SDK1: variants seen among roughly 807,000 people sequenced by gnomAD.
SDK1 encodes protein sidekick-1.
A neutral mutation model predicts 245.5 loss-of-function variants in SDK1; 157 were observed. The observed-to-expected ratio is 0.64, with a 90% confidence interval of 0.56 to 0.73. The LOEUF is 0.73. SDK1 is among the 30% of genes least tolerant of loss of function. The pLI is 0.00. For missense variants in SDK1, 3,583 were observed against 3,002.3 expected, an observed-to-expected ratio of 1.19 and a Z score of -4.52; for synonymous variants, 1,647 against 1,278.5, an observed-to-expected ratio of 1.29 and a Z score of -6.15.
chr7:4,265,317 G>T lies in SDK1; in HGVS notation c.6575G>T (p.Gly2192Val). The change falls in exon 45 of 45, where the codon GGC becomes GTC. Residue 2192 changes from glycine to valine, a missense_variant. Gly to Val is a moderately radical substitution (Grantham distance 109). Coordinates refer to ENST00000404826, the MANE Select transcript of SDK1 (RefSeq NM_152744.4). ...CCGGTCATCACCACGCAGAGCGCGG[G>T]CGGCGTCTACACCCCCGCTGGCCCC... ...LHPVITTQSA[G>V]GVYTPAGPGA... is the part of the protein sequence containing the mutation. 2 of 1,545,998 alleles carry T rather than the reference G, an allele frequency of 1.3e-6. No individual in the cohort carries two copies. The highest frequency in any genetic ancestry group is 1.7e-6 in the Non-Finnish European group (2 of 1,155,498).
chr7:3,889,020 C>G (rs893808660), intron 5 of SDK1, among the ~76,000 whole-genome samples: 1 of 152,124 alleles, frequency 6.6e-6, no homozygotes, highest in African/African-American at 2.4e-5. Context: ...TGTTGATATT[C>G]CTTGATAATG....
chr7:3,538,081 C>G (rs1451525165), intron 1 of SDK1, among the ~76,000 whole-genome samples: 1 of 152,174 alleles, frequency 6.6e-6, no homozygotes, highest in Non-Finnish European at 1.5e-5. Context: ...ACATGACAGA[C>G]CACGTGGCCT....
At chr7:3,589,437 C>G (rs191841473) in intron 1 of SDK1, among the ~76,000 whole-genome samples, 1 of 152,312 alleles carries the variant, frequency 6.6e-6, no homozygotes, top group East Asian at 1.9e-4. Context: ...TGGCGCCTCC[C>G]CATGTCTTTT....
chr7:3,639,048 G>T lies in SDK1; in HGVS notation c.503G>T (p.Arg168Leu), dbSNP rs143792155. Residue 168 changes from arginine to leucine, a missense_variant, in exon 3 of 45, where the codon CGC becomes CTC. Arg to Leu is a moderately radical substitution (Grantham distance 102, BLOSUM62 -2). Coordinates refer to ENST00000404826, the MANE Select transcript of SDK1 (RefSeq NM_152744.4). ...CAGAAGCTCGATGCTGGGTTTTACCGCTGCGTGGTGCGAAACAGAATGGGA... is the reference window on the plus strand; with the variant it reads ...CAGAAGCTCGATGCTGGGTTTTACCTCTGCGTGGTGCGAAACAGAATGGGA... Reference protein sequence around the residue: ...SLQKLDAGFYRCVVRNRMGAL... With the variant: ...SLQKLDAGFYLCVVRNRMGAL... 4 of 1,605,058 alleles carry T rather than the reference G, an allele frequency of 2.5e-6. No homozygotes were observed. Among genetic ancestry groups the T allele is most frequent in the Non-Finnish European group, 3.4e-6 (4 of 1,173,430 alleles).
At chr7:3,823,611 C>T (rs190340146) in intron 5 of SDK1, among the ~76,000 whole-genome samples, 1 of 152,106 alleles carries the variant, frequency 6.6e-6, no homozygotes, top group Non-Finnish European at 1.5e-5. Flanking sequence ...TCTACCCTGA[C>T]CGAAAAGTAT....
intron 38 of SDK1, among the ~76,000 whole-genome samples, chr7:4,214,830 T>G (rs866906886): frequency 6.6e-6 from 1 of 152,040 alleles, no homozygotes; most frequent in East Asian, 1.9e-4. Flanking sequence ...GACTAAGCCA[T>G]GGGGCCCCCG....
intron 1 of SDK1, among the ~76,000 whole-genome samples, chr7:3,359,550 C>T (rs1780897126): frequency 6.6e-6 from 1 of 152,110 alleles, no homozygotes; most frequent in Non-Finnish European, 1.5e-5. Context: ...AGTATTTCTA[C>T]ACCTGGCCAG....
chr7:3,412,990 TAAAC>T (rs1338535518), intron 1 of SDK1, among the ~76,000 whole-genome samples: 1 of 152,134 alleles, frequency 6.6e-6, no homozygotes, highest in African/African-American at 2.4e-5. Flanking sequence ...TTCTGGTAAA[TAAAC>T]AAGATTATTC....
At chr7:4,237,594 C>T in intron 41 of SDK1, 53 bp from the exon 42 acceptor site, 4 of 1,608,020 alleles carry the variant, frequency 2.5e-6, no homozygotes, top group Non-Finnish European at 2.6e-6. Flanking sequence ...CGGGAGGTGA[C>T]TGCAGCTGGA....
At chr7:3,953,249 C>G (rs762655734) in intron 7 of SDK1, among the ~76,000 whole-genome samples, 1 of 151,964 alleles carries the variant, frequency 6.6e-6, no homozygotes, top group Non-Finnish European at 1.5e-5. Context: ...TTACCTTGAT[C>G]ACGTCCCATT....
At chr7:3,525,483 G>GGT (rs1397293048) in intron 1 of SDK1, among the ~76,000 whole-genome samples, 1 of 152,050 alleles carries the variant, frequency 6.6e-6, no homozygotes, top group Non-Finnish European at 1.5e-5. Flanking sequence ...GAGTGTGGTT[G>GGT]GTTAAGGTGG....
At chr7:3,692,146 G>C (rs979821616) in intron 4 of SDK1, among the ~76,000 whole-genome samples, 5 of 152,020 alleles carry the variant, frequency 3.3e-5, no homozygotes, top group Non-Finnish European at 7.4e-5. Context: ...TAATTTTATT[G>C]TAATTATGAT....
intron 4 of SDK1, among the ~76,000 whole-genome samples, chr7:3,759,180 A>C (rs1175210664): frequency 6.6e-6 from 1 of 152,156 alleles, no homozygotes. Context: ...CAGTCAAATC[A>C]CTGTTTCCCA....
intron 1 of SDK1, among the ~76,000 whole-genome samples, chr7:3,434,991 CCTAA>C (rs1425023108): frequency 6.6e-6 from 1 of 152,088 alleles, no homozygotes; most frequent in African/African-American, 2.4e-5. Context: ...GAATACTTTT[CCTAA>C]CTGTCAAATC....
At chr7:3,780,731 C>T (rs549272196) in intron 4 of SDK1, among the ~76,000 whole-genome samples, 1 of 152,224 alleles carries the variant, frequency 6.6e-6, no homozygotes, top group South Asian at 2.1e-4. Context: ...CCCAACCACC[C>T]TGTGCAGGCA....
At chr7:3,865,685 T>C (rs1780803930) in intron 5 of SDK1, among the ~76,000 whole-genome samples, 2 of 146,152 alleles carry the variant, frequency 1.4e-5, no homozygotes, top group South Asian at 4.3e-4. Flanking sequence ...ATTTTTTTCT[T>C]TTTTTTTTTT....
chr7:4,226,496 G>A, intron 40 of SDK1, among the ~76,000 whole-genome samples: 1 of 152,238 alleles, frequency 6.6e-6, no homozygotes, highest in East Asian at 1.9e-4. Flanking sequence ...ACATTCTACT[G>A]CATAGCCCCT....
intron 1 of SDK1, among the ~76,000 whole-genome samples, chr7:3,584,784 C>T (rs1011334919): frequency 1.2e-4 from 18 of 150,384 alleles, no homozygotes; most frequent in Admixed American, 1.3e-4. Context: ...AGTGCAGTGG[C>T]GCGATCTGGG....
intron 1 of SDK1, among the ~76,000 whole-genome samples, chr7:3,574,537 C>T (rs886525591): frequency 7.9e-5 from 12 of 152,086 alleles, no homozygotes; most frequent in African/African-American, 2.2e-4. Flanking sequence ...TATATGAATG[C>T]GGGAAAAACT....
Sources: allele counts gnomAD v4.1 joint callset (sites outside exome capture counted in the v4.1 genomes callset), GRCh38; gene constraint gnomAD v4.1.1; transcripts MANE v1.5; gene names NCBI Gene and HGNC (gene_info 2026-07-23, HGNC 2026-07-21).